Variants in INTS8 observed in about 807,000 individuals in gnomAD.
INTS8 encodes the protein protein kaonashi-1.
A neutral mutation model predicts 138.9 loss-of-function variants in INTS8; 47 were observed. That is an observed-to-expected ratio of 0.34 (90% CI 0.27 to 0.43). The LOEUF is 0.43. Ranked by LOEUF, INTS8 falls within the 20% of genes least tolerant of loss-of-function variation. The pLI, the probability that INTS8 is intolerant of heterozygous loss-of-function variation, is 1.00. For synonymous variants in INTS8, 392 were observed against 400.9 expected (o/e 0.98, Z 0.27); for missense variants, 996 against 1,173.0 (o/e 0.85, Z 2.20).
intron 1 of INTS8, among the ~76,000 whole-genome samples, chr8:94,824,591 A>G (rs1814410819): frequency 6.6e-6 from 1 of 152,112 alleles, no homozygotes; most frequent in Non-Finnish European, 1.5e-5. Flanking sequence ...AGAACCAGAA[A>G]TCTATGACTG....
intron 23 of INTS8, among the ~76,000 whole-genome samples, chr8:94,875,268 T>C (rs1816529366): frequency 6.6e-6 from 1 of 152,154 alleles, no homozygotes; most frequent in Non-Finnish European, 1.5e-5. Flanking sequence ...AGCATATCTA[T>C]GCAATGAAAT....
intron 20 of INTS8, among the ~76,000 whole-genome samples, 192 bp from the exon 21 acceptor site, chr8:94,871,692 C>T (rs1417240266): frequency 6.6e-6 from 1 of 152,166 alleles, no homozygotes; most frequent in Non-Finnish European, 1.5e-5. Flanking sequence ...TTCAACCCCT[C>T]ATAAAAAGCC....
At chr8:94,831,138 G>A (rs1057091365) in intron 5 of INTS8, among the ~76,000 whole-genome samples, 2 of 151,500 alleles carry the variant, frequency 1.3e-5, no homozygotes, top group Non-Finnish European at 1.5e-5. Context: ...TTTTTAGACA[G>A]AATATTACTC....
chr8:94,851,604 T>G lies in INTS8; in HGVS notation c.1559T>G (p.Val520Gly), dbSNP rs754099718. 1 of 1,601,338 alleles carries G rather than the reference T, an allele frequency of 6.2e-7. No homozygotes were observed. The highest frequency in any genetic ancestry group is 1.7e-5 in the Admixed American group (1 of 57,204). Residue 520 changes from valine (V) to glycine (G), a missense_variant, in exon 13 of 27, where the codon GTG becomes GGG. Physicochemically the swap from Val to Gly is moderately radical, Grantham distance 109. Transcript: ENST00000523731. ...TTAGAGCATCAACTTATATTGTCAG[T>G]GGATCCTTGGAGGATTAGACAAATT... ...GQLEHQLILS[V>G]DPWRIRQILI... is the part of the protein sequence containing the mutation.
At chr8:94,850,631 A>AG (rs1174330788) in intron 12 of INTS8, among the ~76,000 whole-genome samples, 1 of 139,692 alleles carries the variant, frequency 7.2e-6, no homozygotes, top group Non-Finnish European at 1.6e-5. Context: ...AAAAAAAAAA[A>AG]GATTTTCACC....
At chr8:94,840,893 T>A (rs1013075483) in intron 8 of INTS8, among the ~76,000 whole-genome samples, 10 of 150,930 alleles carry the variant, frequency 6.6e-5, no homozygotes, top group African/African-American at 2.4e-4. Flanking sequence ...TTTATGAGCT[T>A]GTGTTTAGAG....
intron 26 of INTS8, among the ~76,000 whole-genome samples, chr8:94,877,112 A>G (rs1816589764): frequency 6.6e-6 from 1 of 152,226 alleles, no homozygotes; most frequent in Non-Finnish European, 1.5e-5. Flanking sequence ...GTTTTGTCAT[A>G]GTTGGTCCCT....
intron 16 of INTS8, among the ~76,000 whole-genome samples, chr8:94,863,317 G>T (rs949981385): frequency 3.3e-5 from 5 of 152,210 alleles, no homozygotes; most frequent in Non-Finnish European, 7.4e-5. Flanking sequence ...GCACCAGCAT[G>T]CCCACGCCAT....
chr8:94,834,122 A>C (rs1363505606), intron 6 of INTS8, among the ~76,000 whole-genome samples: 1 of 152,110 alleles, frequency 6.6e-6, no homozygotes. Flanking sequence ...TAAAAAGAAA[A>C]ATTGTTATTT....
At chr8:94,867,237 A>G (rs752567668) in intron 19 of INTS8, 39 bp from the exon 20 acceptor site, 9 of 1,600,214 alleles carry the variant, frequency 5.6e-6, no homozygotes, top group Non-Finnish European at 6.0e-6. Flanking sequence ...TTTAAAAGAA[A>G]TTTCTTTGTA....
At chr8:94,865,266 A>AT (rs1437168676) in intron 16 of INTS8, among the ~76,000 whole-genome samples, 1 of 152,068 alleles carries the variant, frequency 6.6e-6, no homozygotes, top group Non-Finnish European at 1.5e-5. Context: ...TCATTAGACT[A>AT]TAACTGTTCA....
rs928544115 is a variant in INTS8 at position 94,876,216 on chromosome 8, T to C, written c.2763-5T>C. The stretch of plus-strand genomic sequence containing the variant: ...CTTAAGAAGTAACTGAATTCTGTCT[T>C]TCAGTCATGATGCTATGGACTCCTA... On this transcript the variant is annotated splice_polypyrimidine_tract_variant and splice_region_variant and intron_variant, in intron 24 of 26. Transcript: ENST00000523731. 6.2e-7 allele frequency: 1 copy of C among 1,611,658 alleles called. No homozygotes were observed. Among genetic ancestry groups the C allele is most frequent in the Non-Finnish European group, 8.5e-7 (1 of 1,178,288 alleles).
At chr8:94,826,345 GAT>G (rs1211339373) in intron 2 of INTS8, among the ~76,000 whole-genome samples, 1 of 151,898 alleles carries the variant, frequency 6.6e-6, no homozygotes, top group Non-Finnish European at 1.5e-5. Context: ...GCAGTGGCGC[GAT>G]ATTCGCTCAC....
At chr8:94,869,368 C>G (rs1232468908) in intron 20 of INTS8, among the ~76,000 whole-genome samples, 2 of 152,068 alleles carry the variant, frequency 1.3e-5, no homozygotes, top group Non-Finnish European at 2.9e-5. Flanking sequence ...ACTCTGTTAC[C>G]CAAGCTGGAG....
chr8:94,839,709 G>A (rs1231016020), intron 8 of INTS8, among the ~76,000 whole-genome samples: 19 of 152,164 alleles, frequency 1.2e-4, no homozygotes, highest in African/African-American at 4.6e-4. Flanking sequence ...TTTATGAAGG[G>A]TGAGATCAAT....
At chr8:94,829,403 G>A (rs907441988) in intron 5 of INTS8, among the ~76,000 whole-genome samples, 1 of 151,980 alleles carries the variant, frequency 6.6e-6, no homozygotes, top group African/African-American at 2.4e-5. Context: ...CCTCGCGTGT[G>A]TAGTTCACGA....
At chr8:94,840,377 C>G (rs757125178) in intron 8 of INTS8, among the ~76,000 whole-genome samples, 23 of 152,038 alleles carry the variant, frequency 1.5e-4, no homozygotes, top group Admixed American at 3.9e-4. Context: ...ATCTCCTTTC[C>G]CCCTCCTCTC....
intron 5 of INTS8, among the ~76,000 whole-genome samples, chr8:94,831,471 A>G (rs1367555191): frequency 7.6e-6 from 1 of 131,284 alleles, no homozygotes; most frequent in Non-Finnish European, 1.6e-5. Context: ...TGTTTTTTGT[A>G]TTGTCTTTTT....
At chr8:94,863,184 G>A (rs181366889) in intron 16 of INTS8, among the ~76,000 whole-genome samples, 192 of 152,300 alleles carry the variant, frequency 1.3e-3, no homozygotes, top group African/African-American at 4.4e-3. Context: ...AGCCACAGTG[G>A]TGCTAGTATA....
Sources: allele counts gnomAD v4.1 joint callset (sites outside exome capture counted in the v4.1 genomes callset), GRCh38; gene constraint gnomAD v4.1.1; transcripts MANE v1.5; gene names NCBI Gene and HGNC (gene_info 2026-07-23, HGNC 2026-07-21).